Variants in FOXN3 observed in about 807,000 individuals in gnomAD.
FOXN3 encodes forkhead box protein N3.
In FOXN3, 7 loss-of-function variants were observed where a neutral mutation model predicts 38.4. The ratio of observed to expected loss-of-function variants is 0.18; its 90% CI spans 0.10 to 0.34. The LOEUF (loss-of-function observed/expected upper bound fraction) is 0.34. Ranked by LOEUF, FOXN3 falls within the 10% of genes least tolerant of loss-of-function variation. The pLI is 1.00. For missense variants in FOXN3, 456 were observed against 613.4 expected, an observed-to-expected ratio of 0.74 and a Z score of 2.71; for synonymous variants, 230 against 242.2, an observed-to-expected ratio of 0.95 and a Z score of 0.47.
At chr14:89,556,703 C>CG (rs889588405) in intron 1 of FOXN3, among the ~76,000 whole-genome samples, 1 of 152,164 alleles carries the variant, frequency 6.6e-6, no homozygotes, top group African/African-American at 2.4e-5. Context: ...GGGCCTGCCA[C>CG]GTTTTGGCTA....
chr14:89,219,531 T>C (rs1274538996), intron 4 of FOXN3, among the ~76,000 whole-genome samples: 2 of 152,186 alleles, frequency 1.3e-5, no homozygotes, highest in Middle Eastern at 3.2e-3. Context: ...TGTCTTTCCT[T>C]AGCCCGTGTT....
intron 1 of FOXN3, among the ~76,000 whole-genome samples, chr14:89,598,697 T>C (rs572930804): frequency 6.6e-6 from 1 of 152,354 alleles, no homozygotes; most frequent in East Asian, 1.9e-4. Context: ...GCATTCCACT[T>C]CCTTCTGACA....
intron 1 of FOXN3, among the ~76,000 whole-genome samples, chr14:89,559,307 G>A (rs531274480): frequency 5.3e-5 from 8 of 152,308 alleles, no homozygotes; most frequent in African/African-American, 1.7e-4. Context: ...TTGAACCCAG[G>A]AAGTTGTGCT....
At chr14:89,336,141 C>CTT (rs1888448116) in intron 3 of FOXN3, among the ~76,000 whole-genome samples, 1 of 116,824 alleles carries the variant, frequency 8.6e-6, no homozygotes, top group Non-Finnish European at 1.7e-5. Context: ...GATCCTTACA[C>CTT]ACACACACAC....
At chr14:89,344,051 C>T (rs899465888) in intron 3 of FOXN3, among the ~76,000 whole-genome samples, 3 of 152,048 alleles carry the variant, frequency 2.0e-5, no homozygotes, top group African/African-American at 2.4e-5. Flanking sequence ...CGTGAGCCAC[C>T]GCATCGAGCC....
At chr14:89,615,230 T>C (rs1412102054) in intron 1 of FOXN3, among the ~76,000 whole-genome samples, 1 of 151,664 alleles carries the variant, frequency 6.6e-6, no homozygotes, top group African/African-American at 2.4e-5. Context: ...TCTTTCTCTT[T>C]ACCTCTCTAC....
chr14:89,421,299 A>C (rs969477344), upstream of FOXN3, among the ~76,000 whole-genome samples: 4 of 151,464 alleles, frequency 2.6e-5, no homozygotes, highest in Non-Finnish European at 5.9e-5. Flanking sequence ...ATAGGCATGC[A>C]CCACCACACC....
At chr14:89,356,999 T>C (rs1353273533) in intron 2 of FOXN3, among the ~76,000 whole-genome samples, 2 of 152,134 alleles carry the variant, frequency 1.3e-5, no homozygotes, top group Non-Finnish European at 2.9e-5. Flanking sequence ...AGGACCAAGA[T>C]GACCATGGGT....
At chr14:89,272,105 T>A (rs1886165980) in intron 4 of FOXN3, among the ~76,000 whole-genome samples, 1 of 151,876 alleles carries the variant, frequency 6.6e-6, no homozygotes, top group Non-Finnish European at 1.5e-5. Context: ...AGGTCAGGAG[T>A]TCGAGACCAA....
chr14:89,323,682 G>A (rs143217832), intron 3 of FOXN3, among the ~76,000 whole-genome samples: 2,011 of 152,064 alleles, frequency 0.013, 49 homozygotes, highest in African/African-American at 0.047. Flanking sequence ...TCACGCCACT[G>A]CACTCCAGCC....
chr14:89,207,877 T>A (rs1777428061), intron 4 of FOXN3, among the ~76,000 whole-genome samples: 1 of 152,162 alleles, frequency 6.6e-6, no homozygotes, highest in African/African-American at 2.4e-5. Context: ...CTCTTGCAGA[T>A]GAGTTAAACT....
intron 2 of FOXN3, among the ~76,000 whole-genome samples, chr14:89,369,888 G>C (rs1890264688): frequency 6.6e-6 from 1 of 152,198 alleles, no homozygotes; most frequent in Admixed American, 6.5e-5. Context: ...GTTCAGACAA[G>C]TTAACGAATT....
chr14:89,282,752 T>C (rs544979425), intron 3 of FOXN3, among the ~76,000 whole-genome samples: 1 of 152,314 alleles, frequency 6.6e-6, no homozygotes, highest in Non-Finnish European at 1.5e-5. Flanking sequence ...TCCAGCTTAC[T>C]TCCATCCAAA....
At chr14:89,188,662 G>C (rs187913964) in intron 4 of FOXN3, among the ~76,000 whole-genome samples, 24 of 152,302 alleles carry the variant, frequency 1.6e-4, no homozygotes, top group Admixed American at 5.9e-4. Flanking sequence ...TGAAACTAAT[G>C]ATCACTGTGT....
chr14:89,414,741 CG>C (rs1011488176), intron 1 of FOXN3, among the ~76,000 whole-genome samples: 4 of 152,036 alleles, frequency 2.6e-5, no homozygotes, highest in Admixed American at 2.6e-4. Context: ...TTTAGTAAGA[CG>C]GGGTTTCACC....
intron 3 of FOXN3, chr14:89,290,822 G>A (rs918301534): frequency 7.4e-6 from 2 of 271,528 alleles, no homozygotes; most frequent in Admixed American, 9.5e-5. Context: ...CTTCTCCCTG[G>A]TTAAACCGGG....
At chr14:89,291,338 C>T (rs535697682) in intron 3 of FOXN3, 16 of 553,398 alleles carry the variant, frequency 2.9e-5, no homozygotes, top group African/African-American at 7.6e-5. Context: ...TCATGAGATG[C>T]CATCAGAAGG....
rs184026053 is a variant in FOXN3 at position 89,403,213 on chromosome 14, G to C, written c.543+8721C>G. Among the ~76,000 whole-genome samples, 625 of 149,726 alleles carry C rather than the reference G, an allele frequency of 4.2e-3. 1 individual carries two copies. Among genetic ancestry groups the C allele is most frequent in the Non-Finnish European group, 7.4e-3 (498 of 67,464 alleles). ...CATTTTTTTTTTTTAATTTTTTGTT[G>C]TTGTTGGAGACATGGTCTCACTCTG... is the stretch of plus-strand genomic sequence containing the variant. On this transcript the variant is annotated intron_variant, in intron 2 of 5. Transcript: ENST00000557258.
At chr14:89,238,036 T>A (rs998119730) in intron 4 of FOXN3, among the ~76,000 whole-genome samples, 2 of 152,364 alleles carry the variant, frequency 1.3e-5, no homozygotes, top group Middle Eastern at 3.4e-3. Context: ...TCCAACTACC[T>A]AAGTTCTCTT....
Sources: allele counts gnomAD v4.1 joint callset (sites outside exome capture counted in the v4.1 genomes callset), GRCh38; gene constraint gnomAD v4.1.1; transcripts MANE v1.5; gene names NCBI Gene and HGNC (gene_info 2026-07-23, HGNC 2026-07-21).